The following COX10 variants were observed in gnomAD, a reference collection of about 807,000 sequenced individuals.
The protein encoded by COX10 is protoheme IX farnesyltransferase, mitochondrial.
In COX10, 27 loss-of-function variants were observed where a neutral mutation model predicts 37.3. The observed-to-expected ratio is 0.72, with a 90% CI of 0.53 to 1.00. The LOEUF is 1.00. Ranked by LOEUF, COX10 falls within the 50% of genes least tolerant of loss-of-function variation. The probability of loss-of-function intolerance (pLI) is 0.00; values close to 1 mark genes in which losing one functional copy is unlikely to be tolerated. For synonymous variants in COX10, 222 were observed against 229.1 expected, an observed-to-expected ratio of 0.97 and a Z score of 0.28; for missense variants, 475 against 563.2, an observed-to-expected ratio of 0.84 and a Z score of 1.59.
intron 4 of COX10, among the ~76,000 whole-genome samples, chr17:14,155,158 A>G (rs1905005814): frequency 6.6e-6 from 1 of 152,156 alleles, no homozygotes; most frequent in African/African-American, 2.4e-5. Context: ...AATTAGATAT[A>G]GTTGGCCAAT....
At chr17:14,144,436 A>G (rs1302952062) in intron 4 of COX10, among the ~76,000 whole-genome samples, 1 of 152,150 alleles carries the variant, frequency 6.6e-6, no homozygotes, top group African/African-American at 2.4e-5. Flanking sequence ...ATTAACTATG[A>G]AAGTCTTGTA....
intron 4 of COX10, among the ~76,000 whole-genome samples, chr17:14,102,913 C>T (rs933042643): frequency 6.6e-6 from 1 of 151,980 alleles, no homozygotes. Flanking sequence ...TACCAGAACA[C>T]CCAAGAGGAG....
At chr17:14,088,282 A>G (rs986172118) in intron 3 of COX10, among the ~76,000 whole-genome samples, 1 of 152,120 alleles carries the variant, frequency 6.6e-6, no homozygotes, top group African/African-American at 2.4e-5. Context: ...TCTGTGCTAT[A>G]TTTAACAAAC....
chr17:14,074,327 C>T lies in COX10; in HGVS notation c.48C>T (p.Cys16=), dbSNP rs748889500. 8.7e-5 allele frequency: 140 copies of T among 1,614,016 alleles called. No individual in the cohort carries two copies. The highest frequency in any genetic ancestry group is 6.9e-5 in the Non-Finnish European group (81 of 1,179,928). The change falls in exon 2 of 7, where the codon TGC becomes TGT. Residue 16 remains cysteine (C), a synonymous_variant. Coordinates refer to ENST00000261643, the MANE Select transcript of COX10 (RefSeq NM_001303.4). The part of the protein sequence containing the change: ...HTLSSRLLTG[C]VGGSVWYLER... ...CCACTTCTCTCTCTATTATAGGTTGCGTAGGAGGCTCTGTCTGGTATCTTG... is the reference window on the plus strand; with the variant it reads ...CCACTTCTCTCTCTATTATAGGTTGTGTAGGAGGCTCTGTCTGGTATCTTG...
At chr17:14,138,834 A>G (rs1904457144) in intron 4 of COX10, among the ~76,000 whole-genome samples, 1 of 152,150 alleles carries the variant, frequency 6.6e-6, no homozygotes, top group African/African-American at 2.4e-5. Flanking sequence ...TCATCCCAGC[A>G]TTGTCTCTTG....
intron 5 of COX10, among the ~76,000 whole-genome samples, chr17:14,174,930 G>T (rs910176814): frequency 6.7e-6 from 1 of 148,658 alleles, no homozygotes; most frequent in Non-Finnish European, 1.5e-5. Flanking sequence ...CAAACCACTG[G>T]TACGTGCAGT....
chr17:14,126,967 A>AGTTG (rs1329378807), intron 4 of COX10, among the ~76,000 whole-genome samples: 2 of 151,722 alleles, frequency 1.3e-5, no homozygotes, highest in Non-Finnish European at 2.9e-5. Context: ...AAAAATAGAT[A>AGTTG]GTGACTCGAA....
chr17:14,082,961 AC>A (rs1363707206), intron 3 of COX10, among the ~76,000 whole-genome samples: 2 of 152,216 alleles, frequency 1.3e-5, no homozygotes, highest in African/African-American at 4.8e-5. Flanking sequence ...CTAGTCCCAG[AC>A]CGAGTGGTCT....
chr17:14,139,067 G>A (rs1032687709), intron 4 of COX10, among the ~76,000 whole-genome samples: 2 of 152,126 alleles, frequency 1.3e-5, no homozygotes, highest in African/African-American at 4.8e-5. Flanking sequence ...TTACAGTGAG[G>A]ATTACATGAA....
chr17:14,165,345 T>A (rs768067090), intron 5 of COX10, among the ~76,000 whole-genome samples: 1 of 152,202 alleles, frequency 6.6e-6, no homozygotes, highest in African/African-American at 2.4e-5. Flanking sequence ...TGTCTCTGTG[T>A]CACACTTTGA....
intron 3 of COX10, among the ~76,000 whole-genome samples, chr17:14,099,745 A>G (rs759600306): frequency 6.6e-6 from 1 of 152,032 alleles, no homozygotes; most frequent in African/African-American, 2.4e-5. Context: ...GCCTCTAGGC[A>G]ACTCCAGAGC....
intron 5 of COX10, among the ~76,000 whole-genome samples, chr17:14,182,862 C>G (rs910356193): frequency 4.6e-5 from 7 of 150,638 alleles, no homozygotes; most frequent in Non-Finnish European, 1.0e-4. Context: ...ACAGAAAAGC[C>G]ACATTTTTCC....
chr17:14,164,403 CTTA>C (rs1277672504), intron 5 of COX10, among the ~76,000 whole-genome samples: 3 of 152,134 alleles, frequency 2.0e-5, no homozygotes, highest in Non-Finnish European at 4.4e-5. Context: ...AAATGTATAT[CTTA>C]TTATTGTCTA....
At chr17:14,194,431 A>AT (rs1372688812) in intron 6 of COX10, among the ~76,000 whole-genome samples, 3 of 152,116 alleles carry the variant, frequency 2.0e-5, no homozygotes, top group East Asian at 1.9e-4. Flanking sequence ...GTTTAAAATA[A>AT]TTTTTTTTCT....
chr17:14,107,776 C>T (rs1263805424), intron 4 of COX10, among the ~76,000 whole-genome samples: 1 of 152,082 alleles, frequency 6.6e-6, no homozygotes, highest in African/African-American at 2.4e-5. Context: ...TGACTGATCT[C>T]CTTAGTTTTT....
chr17:14,205,008 G>A (rs765744773), intron 6 of COX10, among the ~76,000 whole-genome samples: 1 of 152,144 alleles, frequency 6.6e-6, no homozygotes, highest in African/African-American at 2.4e-5. Context: ...TCAGGAGGCT[G>A]AGGCAGGAGG....
chr17:14,134,112 C>CT (rs1916526245), intron 4 of COX10, among the ~76,000 whole-genome samples: 2 of 151,584 alleles, frequency 1.3e-5, no homozygotes, highest in South Asian at 4.1e-4. Context: ...ACTTTAAAGG[C>CT]TTCATAAGGT....
chr17:14,159,872 TAC>T lies in COX10; in HGVS notation c.625-3_625-2del, dbSNP rs1567604520. ...GTTTTCTGTCTTTTTTCATTCTTTTTACAGTTTTTTGAGGTGCCATTTGACTC... is the reference window on the plus strand; with the variant it reads ...GTTTTCTGTCTTTTTTCATTCTTTTTAGTTTTTTGAGGTGCCATTTGACTC... On this transcript the variant is annotated splice_polypyrimidine_tract_variant and splice_region_variant and intron_variant, in intron 4 of 6. Transcript: ENST00000261643. The T allele has an allele frequency of 1.9e-6, 3 of 1,607,434 alleles. No individual in the cohort carries two copies. Among genetic ancestry groups the T allele is most frequent in the Non-Finnish European group, 2.6e-6 (3 of 1,176,164 alleles).
chr17:14,165,540 C>G (rs1905263275), intron 5 of COX10, among the ~76,000 whole-genome samples: 1 of 152,184 alleles, frequency 6.6e-6, no homozygotes, highest in Non-Finnish European at 1.5e-5. Context: ...CCCCATCTCT[C>G]TCCTGCTCCT....
Sources: allele counts gnomAD v4.1 joint callset (sites outside exome capture counted in the v4.1 genomes callset), GRCh38; gene constraint gnomAD v4.1.1; transcripts MANE v1.5; gene names NCBI Gene and HGNC (gene_info 2026-07-23, HGNC 2026-07-21).